The following FAH variants were observed in gnomAD, a reference collection of about 807,000 sequenced individuals.
FAH encodes the protein fumarylacetoacetase.
A neutral mutation model predicts 55.8 loss-of-function variants in FAH; 47 were observed. The observed-to-expected ratio is 0.84, with a 90% confidence interval of 0.67 to 1.07. The LOEUF (loss-of-function observed/expected upper bound fraction) is 1.07, where lower values mean the gene tolerates loss of function less well. Among genes scored for constraint, FAH ranks in the 50% least tolerant of loss-of-function variants. The pLI is 0.00. For missense variants in FAH, 495 were observed against 545.9 expected, an observed-to-expected ratio of 0.91 and a Z score of 0.93; for synonymous variants, 199 against 207.7, an observed-to-expected ratio of 0.96 and a Z score of 0.36.
At chr15:80,158,262 G>C (rs2041117087) in intron 2 of FAH, 92 bp downstream of exon 2, 3 of 936,102 alleles carry the variant, frequency 3.2e-6, no homozygotes, top group African/African-American at 3.2e-5. Context: ...ATTTCCGATA[G>C]AGGTAATGCC....
At chr15:80,179,424 G>A (rs1014613822) in intron 11 of FAH, among the ~76,000 whole-genome samples, 1 of 152,196 alleles carries the variant, frequency 6.6e-6, no homozygotes, top group Non-Finnish European at 1.5e-5. Flanking sequence ...GCAGGGGCTC[G>A]TGGGCAAGAA....
At chr15:80,162,894 A>C in intron 5 of FAH, 1 of 194,802 alleles carries the variant, frequency 5.1e-6, no homozygotes, top group South Asian at 9.4e-5. Context: ...CAGCCCCCAG[A>C]TCAGGCCATT....
At chr15:80,173,234 ACC>A (rs2041256666) in intron 9 of FAH, 90 bp downstream of exon 9, 1 of 1,562,208 alleles carries the variant, frequency 6.4e-7, no homozygotes, top group African/African-American at 1.4e-5. Context: ...AGGCATGCAG[ACC>A]ATCAGGAGGG....
intron 7 of FAH, among the ~76,000 whole-genome samples, chr15:80,171,631 T>C (rs1338020131): frequency 6.6e-6 from 1 of 152,046 alleles, no homozygotes; most frequent in Non-Finnish European, 1.5e-5. Flanking sequence ...TGGCTAATTT[T>C]GTTTATTTTT....
At chr15:80,185,280 C>CA (rs1378789554) in intron 13 of FAH, among the ~76,000 whole-genome samples, 1 of 152,186 alleles carries the variant, frequency 6.6e-6, no homozygotes, top group Non-Finnish European at 1.5e-5. Flanking sequence ...AGGCTGTTCT[C>CA]AGAGTTTTCT....
At chr15:80,177,176 C>A (rs573788772) in intron 10 of FAH, among the ~76,000 whole-genome samples, 42 of 152,316 alleles carry the variant, frequency 2.8e-4, no homozygotes, top group African/African-American at 1.0e-3. Context: ...AGCAGGTTAT[C>A]CTTGATCAAA....
rs1567114315 is a variant in FAH at position 80,158,080 on chromosome 15, G to A, written c.102G>A (p.Val34=). Residue 34 remains valine (V), a synonymous_variant, in exon 2 of 14, where the codon GTG becomes GTA. Transcript: ENST00000561421. ...TRGDPRPRIG[V]AIGDQILDLS... ...CCTAGCCAAGACCGAGGATAGGTGT[G>A]GCCATTGGCGACCAGATCCTGGACC... 1.2e-6 allele frequency: 2 copies of A among 1,613,954 alleles called. No individual in the cohort carries two copies. The highest frequency in any genetic ancestry group is 1.7e-4 in the Middle Eastern group (1 of 6,060).
intron 11 of FAH, among the ~76,000 whole-genome samples, chr15:80,179,540 G>A (rs916755592): frequency 2.6e-5 from 4 of 152,118 alleles, no homozygotes; most frequent in Non-Finnish European, 4.4e-5. Flanking sequence ...TGAGCGTCTC[G>A]GTGGGCACGT....
At chr15:80,153,281 G>A in intron 1 of FAH, 146 bp downstream of exon 1, 1 of 710,764 alleles carries the variant, frequency 1.4e-6, no homozygotes, top group Non-Finnish European at 2.5e-6. Context: ...TTCCGTGAGA[G>A]TGCCTATGGG....
chr15:80,173,123 T>C lies in FAH; in HGVS notation c.816T>C (p.Phe272=). ...TGCCCATGGATGCTCTCATGCCCTT[T>C]GCTGTGCCCAACCCGAAGCAGGTAA... is the stretch of plus-strand genomic sequence containing the variant. The part of the protein sequence containing the change: ...WVVPMDALMP[F]AVPNPKQDPR... The change falls in exon 9 of 14, where the codon TTT becomes TTC. Residue 272 remains phenylalanine (F), a synonymous_variant. Coordinates refer to ENST00000561421, the MANE Select transcript of FAH (RefSeq NM_000137.4). The C allele has an allele frequency of 1.2e-6, 2 of 1,614,218 alleles. No homozygotes were observed. Among genetic ancestry groups the C allele is most frequent in the Non-Finnish European group, 1.7e-6 (2 of 1,180,042 alleles).
At chr15:80,178,324 C>G (rs2041300656) in intron 11 of FAH, among the ~76,000 whole-genome samples, 1 of 152,180 alleles carries the variant, frequency 6.6e-6, no homozygotes, top group Admixed American at 6.5e-5. Context: ...CCTCAGCAGC[C>G]CCGTGGGGCC....
At chr15:80,155,171 T>C (rs965889349) in intron 1 of FAH, among the ~76,000 whole-genome samples, 4 of 152,204 alleles carry the variant, frequency 2.6e-5, no homozygotes, top group Non-Finnish European at 5.9e-5. Context: ...AGCTCCCCGC[T>C]GCGGCCCAGC....
At chr15:80,174,244 A>G (rs967739200) in intron 9 of FAH, among the ~76,000 whole-genome samples, 11 of 152,020 alleles carry the variant, frequency 7.2e-5, no homozygotes, top group African/African-American at 2.7e-4. Context: ...CTTGTCCTCC[A>G]GTCATCTGCC....
chr15:80,183,600 C>T (rs1455251012), intron 13 of FAH, among the ~76,000 whole-genome samples: 1 of 152,200 alleles, frequency 6.6e-6, no homozygotes, highest in African/African-American at 2.4e-5. Context: ...TGCTCAGATG[C>T]CTTTATGGCT....
At chr15:80,176,997 C>T (rs928516943) in intron 10 of FAH, among the ~76,000 whole-genome samples, 1 of 152,192 alleles carries the variant, frequency 6.6e-6, no homozygotes, top group Non-Finnish European at 1.5e-5. Context: ...GAGGAGCTTT[C>T]TACTTATTAG....
intron 13 of FAH, among the ~76,000 whole-genome samples, chr15:80,185,840 G>A (rs560102713): frequency 5.3e-5 from 8 of 152,150 alleles, no homozygotes; most frequent in East Asian, 1.9e-4. Flanking sequence ...GAGGTTTGGC[G>A]GGGGACAGAG....
chr15:80,172,530 C>G (rs892093161), intron 8 of FAH, among the ~76,000 whole-genome samples: 2 of 152,004 alleles, frequency 1.3e-5, no homozygotes, highest in African/African-American at 4.8e-5. Context: ...TAACACCCTT[C>G]GTATATTCTC....
upstream of FAH, chr15:80,152,982 C>A: frequency 7.2e-7 from 1 of 1,388,688 alleles, no homozygotes. Context: ...CCGGGCCTGA[C>A]CACAGCGGCC....
chr15:80,186,242 C>G lies in FAH; in HGVS notation c.*33C>G, dbSNP rs949417168. 3 of 1,489,876 alleles carry G rather than the reference C, an allele frequency of 2.0e-6. No individual in the cohort carries two copies. Among genetic ancestry groups the G allele is most frequent in the Non-Finnish European group, 2.8e-6 (3 of 1,070,040 alleles). The allele number at this position is 1,489,876 out of a possible 1,614,324, so 92.3% of individuals were successfully genotyped here. On this transcript the variant is annotated 3_prime_UTR_variant, in exon 14 of 14. Coordinates refer to ENST00000561421, the MANE Select transcript of FAH (RefSeq NM_000137.4). ...TCTGCTCTTCTGGAAACAAAGGGCT[C>G]AAGCACCCCTTTCAACCCTGTGACT...
Sources: gnomAD v4.1 joint callset for allele counts (sites outside exome capture counted in the v4.1 genomes callset) on GRCh38, gnomAD v4.1.1 for gene constraint, MANE v1.5 for transcripts, NCBI Gene and HGNC (gene_info 2026-07-23, HGNC 2026-07-21) for gene names.